The following DHX32 variants were observed in gnomAD, a reference collection of about 807,000 sequenced individuals.
DHX32 encodes the protein putative pre-mRNA-splicing factor ATP-dependent RNA helicase DHX32.
A neutral mutation model predicts 70.0 loss-of-function variants in DHX32; 51 were observed. The ratio of observed to expected loss-of-function variants is 0.73; its 90% CI spans 0.58 to 0.92. The LOEUF (loss-of-function observed/expected upper bound fraction) is 0.92. Ranked by LOEUF, DHX32 falls within the 40% of genes least tolerant of loss-of-function variation. The probability of loss-of-function intolerance (pLI) is 0.00; values close to 1 mark genes in which losing one functional copy is unlikely to be tolerated. For missense variants in DHX32, 762 were observed against 891.8 expected (o/e 0.85, Z 1.85); for synonymous variants, 310 against 315.3 (o/e 0.98, Z 0.18).
chr10:125,852,667 T>G, intron 4 of DHX32, 25 bp from the exon 5 acceptor site: 1 of 1,578,654 alleles, frequency 6.3e-7, no homozygotes, highest in Non-Finnish European at 8.6e-7. Flanking sequence ...ACAGCATCAT[T>G]AGCGTCAGAT....
intron 1 of DHX32, among the ~76,000 whole-genome samples, chr10:125,867,731 G>T (rs1319995702): frequency 1.7e-5 from 2 of 120,172 alleles, no homozygotes; most frequent in Non-Finnish European, 3.3e-5. Flanking sequence ...GCAAGACTCC[G>T]TCTCAAAAAA....
chr10:125,847,854 T>A (rs1303408652), intron 6 of DHX32, among the ~76,000 whole-genome samples: 1 of 151,952 alleles, frequency 6.6e-6, no homozygotes, highest in African/African-American at 2.4e-5. Flanking sequence ...CAGTTCATAA[T>A]AGGGTTCGAG....
chr10:125,865,857 C>T (rs1944217398), intron 2 of DHX32, among the ~76,000 whole-genome samples: 1 of 152,128 alleles, frequency 6.6e-6, no homozygotes, highest in Non-Finnish European at 1.5e-5. Context: ...GAGATAAGAA[C>T]CGCACCAGAG....
At chr10:125,842,029 C>T in intron 6 of DHX32, 95 bp from the exon 7 acceptor site, 1 of 1,379,038 alleles carries the variant, frequency 7.3e-7, no homozygotes, top group East Asian at 2.7e-5. Context: ...AACAAGCAAA[C>T]AATGGACAAA....
intron 1 of DHX32, among the ~76,000 whole-genome samples, chr10:125,877,289 C>T (rs1432495037): frequency 1.4e-4 from 21 of 152,108 alleles, no homozygotes; most frequent in Non-Finnish European, 1.2e-4. Context: ...ACAATAACAG[C>T]GTAACAAAGA....
intron 8 of DHX32, among the ~76,000 whole-genome samples, 163 bp from the exon 9 acceptor site, chr10:125,839,351 G>C (rs1237868078): frequency 6.6e-6 from 1 of 152,256 alleles, no homozygotes; most frequent in Non-Finnish European, 1.5e-5. Flanking sequence ...ATTTCTGGTG[G>C]CTGCAAGGTC....
intron 6 of DHX32, among the ~76,000 whole-genome samples, chr10:125,850,354 C>CTTT (rs765077777): frequency 1.0e-4 from 13 of 124,556 alleles, no homozygotes; most frequent in East Asian, 6.7e-4. Flanking sequence ...TTCTTTCTTT[C>CTTT]TTTTTTTTTT....
upstream of DHX32, among the ~76,000 whole-genome samples, chr10:125,882,715 A>C (rs914819718): frequency 2.0e-5 from 3 of 152,224 alleles, no homozygotes; most frequent in African/African-American, 4.8e-5. Flanking sequence ...AAATGTTGTA[A>C]TATGGATTCA....
At chr10:125,863,104 T>C (rs1944199761) in intron 2 of DHX32, among the ~76,000 whole-genome samples, 1 of 151,324 alleles carries the variant, frequency 6.6e-6, no homozygotes, top group Non-Finnish European at 1.5e-5. Flanking sequence ...TTTTATAAAA[T>C]TATATAATTG....
At chr10:125,886,514 C>T (rs1437737762) in intron 1 of DHX32, among the ~76,000 whole-genome samples, 2 of 152,270 alleles carry the variant, frequency 1.3e-5, no homozygotes, top group Non-Finnish European at 2.9e-5. Flanking sequence ...TAGTTTACTA[C>T]TGCTGCATAG....
chr10:125,837,660 A>C (rs1250382652), intron 10 of DHX32, among the ~76,000 whole-genome samples: 1 of 152,176 alleles, frequency 6.6e-6, no homozygotes, highest in Non-Finnish European at 1.5e-5. Flanking sequence ...CTTGGGCTCA[A>C]GCCATCTTCC....
At chr10:125,842,867 T>C in intron 6 of DHX32, 7 of 742,424 alleles carry the variant, frequency 9.4e-6, no homozygotes, top group Non-Finnish European at 1.2e-5. Flanking sequence ...TGTGGTATTA[T>C]ATATGCTCAG....
intron 1 of DHX32, among the ~76,000 whole-genome samples, chr10:125,872,088 C>T (rs1156861829): frequency 6.6e-6 from 1 of 152,106 alleles, no homozygotes; most frequent in Non-Finnish European, 1.5e-5. Flanking sequence ...TCTCCAATTC[C>T]CAACCTCAGG....
chr10:125,839,923 C>A (rs937225053), intron 8 of DHX32, among the ~76,000 whole-genome samples: 1 of 152,212 alleles, frequency 6.6e-6, no homozygotes, highest in African/African-American at 2.4e-5. Context: ...ATTCAGCATG[C>A]CCTCAAAAGG....
chr10:125,873,946 C>G (rs968815267), intron 1 of DHX32, among the ~76,000 whole-genome samples: 4 of 152,158 alleles, frequency 2.6e-5, no homozygotes, highest in Non-Finnish European at 5.9e-5. Flanking sequence ...CTTTTCATAT[C>G]TTTTTCACCT....
intron 4 of DHX32, 40 bp from the exon 5 acceptor site, chr10:125,852,682 C>A: frequency 1.9e-6 from 3 of 1,554,040 alleles, no homozygotes; most frequent in South Asian, 1.2e-5. Flanking sequence ...TCAGATAAGT[C>A]ATGATTCAGT....
At chr10:125,888,186 T>C (rs1285830304) in intron 1 of DHX32, among the ~76,000 whole-genome samples, 2 of 151,876 alleles carry the variant, frequency 1.3e-5, no homozygotes, top group African/African-American at 4.8e-5. Context: ...TTCAACATTA[T>C]CTGTTTGAGC....
chr10:125,852,187 C>CAA, intron 6 of DHX32, 106 bp downstream of exon 6: 1 of 1,384,816 alleles, frequency 7.2e-7, no homozygotes, highest in Non-Finnish European at 9.7e-7. Flanking sequence ...ACGCCCCCTC[C>CAA]ATGCTTGTGT....
intron 6 of DHX32, among the ~76,000 whole-genome samples, chr10:125,851,889 C>A (rs1212417780): frequency 7.0e-6 from 1 of 143,596 alleles, no homozygotes; most frequent in Non-Finnish European, 1.5e-5. Context: ...CCACTGTACT[C>A]CAGTTTGAGC....
Sources: gnomAD v4.1 joint callset for allele counts (sites outside exome capture counted in the v4.1 genomes callset) on GRCh38, gnomAD v4.1.1 for gene constraint, MANE v1.5 for transcripts, NCBI Gene and HGNC (gene_info 2026-07-23, HGNC 2026-07-21) for gene names.